Variants in HMCN1 observed in about 807,000 individuals in gnomAD.
The protein encoded by HMCN1 is hemicentin 1.
A neutral mutation model predicts 625.9 loss-of-function variants in HMCN1; 321 were observed. That is an observed-to-expected ratio of 0.51 (90% confidence interval 0.47 to 0.56). The LOEUF (loss-of-function observed/expected upper bound fraction) is 0.56, where lower values mean the gene tolerates loss of function less well. Among genes scored for constraint, HMCN1 ranks in the 20% least tolerant of loss-of-function variants. The pLI is 0.00. For synonymous variants in HMCN1, 2,425 were observed against 2,417.6 expected, an observed-to-expected ratio of 1.00 and a Z score of -0.09; for missense variants, 6,588 against 6,887.3, an observed-to-expected ratio of 0.96 and a Z score of 1.54.
At chr1:186,185,410 T>A (rs147664368) in intron 105 of HMCN1, among the ~76,000 whole-genome samples, 3 of 152,300 alleles carry the variant, frequency 2.0e-5, no homozygotes, top group African/African-American at 7.2e-5. Context: ...GTCAAGGAGA[T>A]TAAGCCCTCC....
At chr1:186,175,916 A>G (rs995927182) in intron 103 of HMCN1, among the ~76,000 whole-genome samples, 1 of 151,224 alleles carries the variant, frequency 6.6e-6, no homozygotes, top group South Asian at 2.1e-4. Flanking sequence ...GAAAAGAAAG[A>G]AAGAAAAGAG....
intron 10 of HMCN1, among the ~76,000 whole-genome samples, chr1:185,931,851 C>T (rs149674542): frequency 3.9e-4 from 60 of 152,244 alleles, no homozygotes; most frequent in African/African-American, 1.2e-3. Flanking sequence ...ATAAAGTAAT[C>T]ATCTTATTTT....
At chr1:185,975,653 G>A (rs1487251336) in intron 15 of HMCN1, among the ~76,000 whole-genome samples, 1 of 151,782 alleles carries the variant, frequency 6.6e-6, no homozygotes, top group Non-Finnish European at 1.5e-5. Context: ...GTTTAAATAT[G>A]TTTAAAATAT....
intron 36 of HMCN1, 90 bp from the exon 37 acceptor site, chr1:186,037,844 G>A (rs1655938598): frequency 1.3e-6 from 1 of 799,842 alleles, no homozygotes; most frequent in Non-Finnish European, 2.2e-6. Context: ...AAAGAAGAGA[G>A]GAAGAAAAAT....
intron 93 of HMCN1, among the ~76,000 whole-genome samples, 177 bp from the exon 94 acceptor site, chr1:186,151,023 G>A (rs1650630208): frequency 6.6e-6 from 1 of 152,152 alleles, no homozygotes; most frequent in Non-Finnish European, 1.5e-5. Flanking sequence ...TGGTTGTTAT[G>A]TGAAAGTAGA....
intron 1 of HMCN1, among the ~76,000 whole-genome samples, chr1:185,746,862 C>T (rs1283250639): frequency 9.9e-5 from 15 of 152,052 alleles, no homozygotes; most frequent in Admixed American, 5.2e-4. Flanking sequence ...CCACCTCAGC[C>T]GCCCAAAGTG....
intron 36 of HMCN1, among the ~76,000 whole-genome samples, chr1:186,028,184 G>A (rs11588924): frequency 0.016 from 2,421 of 152,204 alleles, 20 homozygotes; most frequent in Middle Eastern, 0.041. Flanking sequence ...GCAAAATCTA[G>A]CACACAATGT....
chr1:186,086,045 A>G (rs6425016), intron 57 of HMCN1, among the ~76,000 whole-genome samples: 96,310 of 152,014 alleles, frequency 0.63, 32,375 homozygotes, highest in African/African-American at 0.88. Flanking sequence ...GAAAATTCTA[A>G]TGCTCTCTTT....
chr1:185,836,157 C>T (rs546296844), intron 1 of HMCN1, among the ~76,000 whole-genome samples: 2 of 152,098 alleles, frequency 1.3e-5, no homozygotes, highest in East Asian at 1.9e-4. Context: ...TATTTCTGTG[C>T]TCTTTTTCCA....
chr1:186,078,822 CA>C (rs1658987156), intron 55 of HMCN1, among the ~76,000 whole-genome samples: 1 of 152,078 alleles, frequency 6.6e-6, no homozygotes, highest in African/African-American at 2.4e-5. Context: ...AACCTTGAAC[CA>C]AATCACCATC....
intron 11 of HMCN1, among the ~76,000 whole-genome samples, chr1:185,954,076 G>A (rs1245754021): frequency 6.6e-6 from 1 of 151,690 alleles, no homozygotes; most frequent in East Asian, 1.9e-4. Flanking sequence ...CACTTCTTTT[G>A]TGGTGGAATG....
intron 36 of HMCN1, among the ~76,000 whole-genome samples, chr1:186,031,408 A>G (rs1234501065): frequency 2.0e-5 from 3 of 151,634 alleles, no homozygotes; most frequent in South Asian, 2.1e-4. Context: ...ATCTTTGTAC[A>G]TAAGTCACTT....
intron 6 of HMCN1, among the ~76,000 whole-genome samples, chr1:185,919,536 C>T (rs962889378): frequency 3.9e-5 from 6 of 152,158 alleles, no homozygotes; most frequent in Admixed American, 1.3e-4. Context: ...GGCCACCACC[C>T]CCTTGCCTCC....
rs765912057 is a variant in HMCN1, at chr1:186,151,387, A to G, written c.14758+38A>G. 40 of 1,568,526 alleles carry G rather than the reference A, an allele frequency of 2.6e-5. No homozygotes were observed. The African/African-American group carries it at 3.0e-4, about 12-fold the overall frequency. On this transcript the variant is annotated intron_variant, in intron 94 of 106. Transcript: ENST00000271588. ...CTCAAGCCTCTTTTTAAAAACTTAT[A>G]TATTATTCTTCATCTTATTACTTCC...
rs1326114603 is a variant in HMCN1 at position 186,003,805 on chromosome 1, G to A, written c.4436G>A (p.Gly1479Asp). ...RDVALECQVK[G>D]TPFPDIHWFK... ...GTCGCCCTTGAATGCCAGGTCAAAG[G>A]CACTCCCTTTCCTGATATTCATTGG... The change falls in exon 29 of 107, where the codon GGC becomes GAC. Residue 1479 changes from glycine to aspartate, a missense_variant. Physicochemically the swap from Gly to Asp is moderately conservative, Grantham distance 94. Transcript: ENST00000271588. 5.6e-6 allele frequency: 9 copies of A among 1,613,124 alleles called. No homozygotes were observed. Among genetic ancestry groups the A allele is most frequent in the Admixed American group, 1.7e-5 (1 of 59,958 alleles).
chr1:185,919,177 C>T (rs188970364), intron 6 of HMCN1, among the ~76,000 whole-genome samples: 59 of 151,932 alleles, frequency 3.9e-4, no homozygotes, highest in Non-Finnish European at 6.8e-4. Context: ...GCTGGACCTC[C>T]TCTTTGCTTG....
chr1:186,017,751 C>A (rs1043724312), intron 33 of HMCN1, among the ~76,000 whole-genome samples: 7 of 151,876 alleles, frequency 4.6e-5, no homozygotes, highest in African/African-American at 1.7e-4. Flanking sequence ...TATTTAGGAG[C>A]ACTTGTCTCT....
chr1:185,912,023 A>G (rs952906933), intron 6 of HMCN1, among the ~76,000 whole-genome samples: 2 of 152,192 alleles, frequency 1.3e-5, no homozygotes, highest in African/African-American at 4.8e-5. Context: ...TAGTTTTCCT[A>G]TCATCAAATC....
At chr1:185,842,425 T>A (rs1435490871) in intron 1 of HMCN1, among the ~76,000 whole-genome samples, 1 of 152,048 alleles carries the variant, frequency 6.6e-6, no homozygotes, top group Admixed American at 6.6e-5. Flanking sequence ...TAGCCAGGCA[T>A]GGTGGCTTAT....
Sources: gnomAD v4.1 joint callset for allele counts (sites outside exome capture counted in the v4.1 genomes callset) on GRCh38, gnomAD v4.1.1 for gene constraint, MANE v1.5 for transcripts, NCBI Gene and HGNC (gene_info 2026-07-23, HGNC 2026-07-21) for gene names.